Variants in PHF20 observed in about 807,000 individuals in gnomAD.
PHF20 encodes the protein PHD finger protein 20.
In PHF20, 23 loss-of-function variants were observed where a neutral mutation model predicts 113.5. The observed-to-expected ratio is 0.20, with a 90% CI of 0.15 to 0.29. PHF20 has a LOEUF of 0.29. PHF20 is among the 10% of genes least tolerant of loss of function. PHF20 has a pLI of 1.00. For synonymous variants in PHF20, 434 were observed against 457.3 expected (o/e 0.95, Z 0.65); for missense variants, 943 against 1,219.6 (o/e 0.77, Z 3.38).
chr20:35,781,469 TC>T (rs2041294839), intron 1 of PHF20, among the ~76,000 whole-genome samples: 2 of 152,216 alleles, frequency 1.3e-5, no homozygotes, highest in South Asian at 4.1e-4. Flanking sequence ...AGCCCAGTTC[TC>T]CCAACTCAAG....
At chr20:35,839,845 G>T (rs1041656029) in intron 2 of PHF20, among the ~76,000 whole-genome samples, 1 of 152,208 alleles carries the variant, frequency 6.6e-6, no homozygotes, top group Non-Finnish European at 1.5e-5. Flanking sequence ...AATTGGAATA[G>T]GTTGCTGGAG....
rs1266938951 is a variant in PHF20, at chr20:35,899,609, G to C, written c.1522G>C (p.Glu508Gln). The C allele has an allele frequency of 5.0e-6, 8 of 1,614,186 alleles. No homozygotes were observed. In the East Asian group the frequency reaches 1.8e-4, roughly 36 times the overall value. ...GPSASDKPSQ[E>Q]TLTRKRVSAS... ...TTCAGCTTCAGACAAGCCCAGCCAG[G>C]AGACCCTGACCAGGAAGCGGGTCTC... Residue 508 changes from glutamate (E) to glutamine (Q), a missense_variant, in exon 10 of 18, where the codon GAG becomes CAG. Transcript: ENST00000374012.
intron 2 of PHF20, among the ~76,000 whole-genome samples, chr20:35,809,205 G>C (rs1009453357): frequency 2.6e-5 from 4 of 151,342 alleles, no homozygotes; most frequent in Non-Finnish European, 1.5e-5. Flanking sequence ...ACATCACGAC[G>C]CCATTGTACT....
chr20:35,917,170 T>TGGCCTGTGTGGTTCATG, intron 12 of PHF20: 1 of 423,256 alleles, frequency 2.4e-6, no homozygotes, highest in Non-Finnish European at 4.6e-6. Flanking sequence ...TCAGGGATGG[T>TGGCCTGTGTGGTTCATG]GGCCTGTGTG....
At chr20:35,889,512 C>A (rs961183087) in intron 9 of PHF20, among the ~76,000 whole-genome samples, 5 of 151,850 alleles carry the variant, frequency 3.3e-5, no homozygotes, top group African/African-American at 1.2e-4. Flanking sequence ...TAGGCACGCA[C>A]CACCACGCCC....
At chr20:35,865,220 G>A (rs59740766) in intron 6 of PHF20, among the ~76,000 whole-genome samples, 7,376 of 151,990 alleles carry the variant, frequency 0.049, 230 homozygotes, top group African/African-American at 0.099. Context: ...TTTAGAGGCT[G>A]GGTGCAGTGC....
At chr20:35,855,770 T>A (rs1318492408) in intron 4 of PHF20, among the ~76,000 whole-genome samples, 3 of 152,146 alleles carry the variant, frequency 2.0e-5, no homozygotes, top group Non-Finnish European at 4.4e-5. Context: ...ACTTCCTGGG[T>A]TCAGGCGATT....
At chr20:35,881,219 G>A (rs558268603) in intron 9 of PHF20, among the ~76,000 whole-genome samples, 2 of 151,306 alleles carry the variant, frequency 1.3e-5, no homozygotes, top group African/African-American at 4.8e-5. Flanking sequence ...TACCATGCCC[G>A]ACTAATTTTT....
intron 9 of PHF20, among the ~76,000 whole-genome samples, chr20:35,886,883 G>A (rs1012209572): frequency 1.3e-5 from 2 of 152,206 alleles, no homozygotes; most frequent in African/African-American, 2.4e-5. Flanking sequence ...GCGAGAGCAT[G>A]AAGCAGTTGC....
At chr20:35,834,704 GT>G (rs1568628420) in intron 2 of PHF20, among the ~76,000 whole-genome samples, 2 of 152,028 alleles carry the variant, frequency 1.3e-5, no homozygotes, top group African/African-American at 2.4e-5. Flanking sequence ...CATCTATTCT[GT>G]GTCTCCAGGA....
At chr20:35,791,270 G>A (rs185300268) in intron 1 of PHF20, among the ~76,000 whole-genome samples, 25 of 152,014 alleles carry the variant, frequency 1.6e-4, no homozygotes, top group African/African-American at 5.3e-4. Flanking sequence ...GCCTTACCTC[G>A]GTTCAATTCC....
chr20:35,814,059 TAAATA>T (rs1469257061), intron 2 of PHF20, among the ~76,000 whole-genome samples: 1 of 149,586 alleles, frequency 6.7e-6, no homozygotes, highest in Non-Finnish European at 1.5e-5. Flanking sequence ...AATAAATAAA[TAAATA>T]AAATAAAACA....
intron 2 of PHF20, among the ~76,000 whole-genome samples, chr20:35,832,356 A>G (rs2042369842): frequency 1.3e-5 from 2 of 152,178 alleles, no homozygotes; most frequent in East Asian, 3.9e-4. Context: ...ATTTGTACCT[A>G]TAGACATACT....
rs576379495 is a variant in PHF20 at position 35,898,770 on chromosome 20, C to G, written c.1283-600C>G. The stretch of plus-strand genomic sequence containing the variant: ...GGATTACAGGCACCTGCCATCATGC[C>G]TGGCTAATTTTTGTATTTTTAGTAG... On this transcript the variant is annotated intron_variant, in intron 9 of 17. Coordinates refer to ENST00000374012, the MANE Select transcript of PHF20 (RefSeq NM_016436.5). Among the ~76,000 whole-genome samples the G allele has an allele frequency of 3.9e-5, 6 of 152,316 alleles. No individual in the cohort carries two copies. The South Asian group carries it at 1.2e-3, about 32-fold the overall frequency.
intron 2 of PHF20, among the ~76,000 whole-genome samples, chr20:35,814,885 A>AT (rs1333800625): frequency 2.1e-5 from 3 of 142,200 alleles, no homozygotes; most frequent in African/African-American, 2.7e-5. Flanking sequence ...AAAAAAAAAA[A>AT]AAAAATAAAA....
intron 1 of PHF20, among the ~76,000 whole-genome samples, chr20:35,781,108 C>G (rs1369880940): frequency 6.6e-6 from 1 of 151,770 alleles, no homozygotes; most frequent in Non-Finnish European, 1.5e-5. Context: ...CCACCTCGGC[C>G]TAAAGTGCTG....
intron 10 of PHF20, among the ~76,000 whole-genome samples, chr20:35,907,594 T>C (rs1262376937): frequency 6.6e-6 from 1 of 152,368 alleles, no homozygotes; most frequent in East Asian, 1.9e-4. Context: ...TGCTGGGCGC[T>C]GTTCCAAGTT....
intron 1 of PHF20, among the ~76,000 whole-genome samples, chr20:35,792,902 G>A (rs534500379): frequency 3.9e-5 from 6 of 152,080 alleles, no homozygotes; most frequent in African/African-American, 1.2e-4. Context: ...TGGGCAAACA[G>A]GCTCAGTGAT....
intron 1 of PHF20, among the ~76,000 whole-genome samples, chr20:35,772,758 T>G (rs2041089654): frequency 6.6e-6 from 1 of 152,124 alleles, no homozygotes; most frequent in South Asian, 2.1e-4. Flanking sequence ...CCGTTCCAAT[T>G]TAGAGGTTCA....
Sources: gnomAD v4.1 joint callset for allele counts (sites outside exome capture counted in the v4.1 genomes callset) on GRCh38, gnomAD v4.1.1 for gene constraint, MANE v1.5 for transcripts, NCBI Gene and HGNC (gene_info 2026-07-23, HGNC 2026-07-21) for gene names.